Variants in SLC4A4 observed in about 807,000 individuals in gnomAD.
The protein encoded by SLC4A4 is electrogenic sodium bicarbonate cotransporter 1.
A neutral mutation model predicts 111.5 loss-of-function variants in SLC4A4; 27 were observed. The observed-to-expected ratio is 0.24, with a 90% CI of 0.18 to 0.33. The LOEUF (loss-of-function observed/expected upper bound fraction) is 0.33, where lower values mean the gene tolerates loss of function less well. Ranked by LOEUF, SLC4A4 falls within the 10% of genes least tolerant of loss-of-function variation. SLC4A4 has a pLI of 1.00. For synonymous variants in SLC4A4, 443 were observed against 463.4 expected (o/e 0.96, Z 0.57); for missense variants, 909 against 1,315.5 (o/e 0.69, Z 4.78).
intron 6 of SLC4A4, among the ~76,000 whole-genome samples, chr4:71,359,629 A>G (rs72852167): frequency 0.011 from 1,694 of 152,322 alleles, 31 homozygotes; most frequent in African/African-American, 0.039. Context: ...CTTAGAATAA[A>G]TTTCTAAACA....
intron 1 of SLC4A4, among the ~76,000 whole-genome samples, chr4:71,202,569 T>C (rs1005049721): frequency 1.3e-5 from 2 of 152,222 alleles, no homozygotes; most frequent in Non-Finnish European, 2.9e-5. Flanking sequence ...TAATCCATTA[T>C]TTGTATACCC....
chr4:71,304,277 G>A (rs542178760), intron 3 of SLC4A4, among the ~76,000 whole-genome samples: 40 of 152,290 alleles, frequency 2.6e-4, no homozygotes, highest in African/African-American at 9.1e-4. Flanking sequence ...CTTGAGACCA[G>A]GGAAAGCCAG....
At position 71,086,616 on chromosome 4, in the gene SLC4A4, G is replaced by T. The variant is rs535583212; in HGVS notation, c.-64-6114G>T. ...TTTATTGAGAGTTTTTAGCATGAAG[G>T]GTTGTTGAATTTTGTCAAAGGCATT... On this transcript the variant is annotated intron_variant, in intron 1 of 26. Coordinates refer to the SLC4A4 transcript ENST00000649996. Among the ~76,000 whole-genome samples the T allele has an allele frequency of 8.9e-3, 1,353 of 152,030 alleles. 10 individuals are homozygous for T. The highest frequency in any genetic ancestry group is 0.014 in the South Asian group (67 of 4,816).
chr4:71,379,779 G>C (rs557242249), intron 6 of SLC4A4, among the ~76,000 whole-genome samples: 3 of 152,160 alleles, frequency 2.0e-5, no homozygotes, highest in African/African-American at 7.2e-5. Context: ...AGGGAACGAT[G>C]ACGAATTTCT....
intron 7 of SLC4A4, among the ~76,000 whole-genome samples, chr4:71,420,187 A>G (rs1253387192): frequency 6.6e-6 from 1 of 152,262 alleles, no homozygotes; most frequent in Non-Finnish European, 1.5e-5. Flanking sequence ...TACGTGAAGA[A>G]TGCAGAAGCC....
intron 22 of SLC4A4, 109 bp from the exon 23 acceptor site, chr4:71,559,984 T>G (rs959118549): frequency 1.2e-6 from 1 of 831,494 alleles, no homozygotes; most frequent in African/African-American, 1.7e-5. Context: ...ATACTCTATC[T>G]AGCCTTACAC....
chr4:71,518,442 A>G (rs1732613317), intron 16 of SLC4A4, among the ~76,000 whole-genome samples: 1 of 151,976 alleles, frequency 6.6e-6, no homozygotes, highest in Admixed American at 6.6e-5. Flanking sequence ...GCCTAAGGCC[A>G]GGGGTGCTGG....
chr4:71,495,939 C>T (rs946069393), intron 15 of SLC4A4, among the ~76,000 whole-genome samples: 4 of 152,050 alleles, frequency 2.6e-5, no homozygotes, highest in Admixed American at 2.0e-4. Flanking sequence ...TTTTGAAAAT[C>T]TCTTCCCAGG....
intron 1 of SLC4A4, among the ~76,000 whole-genome samples, chr4:71,222,056 T>C (rs1718778027): frequency 6.6e-6 from 1 of 152,198 alleles, no homozygotes; most frequent in East Asian, 1.9e-4. Flanking sequence ...GACTATAAGC[T>C]CGAGGAAGTA....
chr4:71,343,057 A>T (rs1729022009), intron 4 of SLC4A4, among the ~76,000 whole-genome samples: 1 of 152,148 alleles, frequency 6.6e-6, no homozygotes, highest in East Asian at 1.9e-4. Flanking sequence ...CATTACATTA[A>T]TTTATCTGCA....
chr4:71,447,492 A>G (rs929756039), intron 8 of SLC4A4, among the ~76,000 whole-genome samples, 154 bp from the exon 9 acceptor site: 2 of 152,242 alleles, frequency 1.3e-5, no homozygotes, highest in Non-Finnish European at 2.9e-5. Context: ...GCGAAAGAGT[A>G]TATTCTGTAC....
chr4:71,182,613 C>T (rs1024829340), upstream of SLC4A4, among the ~76,000 whole-genome samples: 7 of 152,182 alleles, frequency 4.6e-5, no homozygotes, highest in Middle Eastern at 3.4e-3. Context: ...GCTATGTAGG[C>T]CCATTCAATT....
intron 2 of SLC4A4, among the ~76,000 whole-genome samples, chr4:71,129,569 G>A (rs931716118): frequency 6.6e-6 from 1 of 152,058 alleles, no homozygotes; most frequent in African/African-American, 2.4e-5. Flanking sequence ...ATTTCTTAAA[G>A]AACTCAAAAT....
Position 71,447,751 on chromosome 4 carries a change from T to G in SLC4A4, c.1053+18T>G, listed in dbSNP as rs966770669. On this transcript the variant is annotated intron_variant, in intron 9 of 25. Transcript: ENST00000264485. The stretch of plus-strand genomic sequence containing the variant: ...CTGATGAGGTAGGAAATCAGGAAGA[T>G]GGAGTTCTGTGAATGTCCTACTTGT... 2.7e-6 allele frequency: 4 copies of G among 1,474,042 alleles called. No individual in the cohort carries two copies. The highest frequency in any genetic ancestry group is 2.8e-5 in the African/African-American group (2 of 72,186). 91.3% of individuals were successfully genotyped at this position (1,474,042 alleles called of 1,614,324 possible).
chr4:71,271,836 A>G (rs538503669), intron 3 of SLC4A4, among the ~76,000 whole-genome samples: 4 of 152,334 alleles, frequency 2.6e-5, no homozygotes, highest in South Asian at 2.1e-4. Context: ...ACTAGTGCAT[A>G]TTTTATTTTA....
intron 18 of SLC4A4, among the ~76,000 whole-genome samples, chr4:71,543,573 G>T (rs1181482267): frequency 6.6e-6 from 1 of 151,870 alleles, no homozygotes; most frequent in African/African-American, 2.4e-5. Flanking sequence ...GCTAGTCTTG[G>T]ACATATGTAA....
chr4:71,114,310 G>A (rs1471498172), intron 2 of SLC4A4, among the ~76,000 whole-genome samples: 1 of 151,844 alleles, frequency 6.6e-6, no homozygotes, highest in Non-Finnish European at 1.5e-5. Context: ...AAAAGCAATG[G>A]CAACAAAAGA....
intron 12 of SLC4A4, among the ~76,000 whole-genome samples, chr4:71,458,643 T>C (rs917345399): frequency 3.9e-5 from 6 of 152,078 alleles, no homozygotes; most frequent in African/African-American, 7.2e-5. Flanking sequence ...TGAGACTTTA[T>C]TTTAACATAA....
chr4:71,228,843 A>C (rs1008740701), intron 1 of SLC4A4, among the ~76,000 whole-genome samples: 3 of 152,210 alleles, frequency 2.0e-5, no homozygotes, highest in African/African-American at 7.2e-5. Flanking sequence ...TTTTACAAAG[A>C]GGTAGTATAA....
Sources: allele counts gnomAD v4.1 joint callset (sites outside exome capture counted in the v4.1 genomes callset), GRCh38; gene constraint gnomAD v4.1.1; transcripts MANE v1.5; gene names NCBI Gene and HGNC (gene_info 2026-07-23, HGNC 2026-07-21).